Variants in KIFC3 observed in about 807,000 individuals in gnomAD.
KIFC3 encodes kinesin-like protein KIFC3.
A neutral mutation model predicts 101.8 loss-of-function variants in KIFC3; 60 were observed. The observed-to-expected ratio is 0.59, with a 90% CI of 0.48 to 0.73. The LOEUF (loss-of-function observed/expected upper bound fraction) is 0.73. KIFC3 is among the 30% of genes least tolerant of loss of function. KIFC3 has a pLI of 0.00. For synonymous variants in KIFC3, 476 were observed against 482.7 expected (o/e 0.99, Z 0.18); for missense variants, 966 against 1,137.1 (o/e 0.85, Z 2.16).
At chr16:57,836,142 G>GAAACAA (rs2055681289) in intron 1 of KIFC3, among the ~76,000 whole-genome samples, 1 of 152,102 alleles carries the variant, frequency 6.6e-6, no homozygotes, top group African/African-American at 2.4e-5. Flanking sequence ...TTTGAGTCAG[G>GAAACAA]GCCTCTGTCG....
In KIFC3 at chr16:57,860,047, TAAAATAAAATAAAATAAAATAAAATAAA is replaced by T. The variant is rs2056265705; in HGVS notation, c.108+2654_108+2681del. ...AAAAATAAAATAAAATAAAATAAAA[TAAAATAAAATAAAATAAAATAAAATAAA>T]ATAAAATAAAATAAAATAAAAACAA... On this transcript the variant is annotated intron_variant, in intron 1 of 2. Transcript: ENST00000563028. Among the ~76,000 whole-genome samples, 12 of 136,438 alleles carry T rather than the reference TAAAATAAAATAAAATAAAATAAAATAAA, an allele frequency of 8.8e-5. No homozygotes were observed. The South Asian group carries it at 2.8e-3, about 32-fold the overall frequency. The allele number at this position is 136,438 out of a possible 152,430, so 89.5% of individuals were successfully genotyped here. A position where few individuals can be genotyped will look rare whatever the true frequency, so the allele number is the denominator to read the frequency against.
chr16:57,816,004 G>A (rs952151842), intron 1 of KIFC3, among the ~76,000 whole-genome samples: 1 of 152,218 alleles, frequency 6.6e-6, no homozygotes, highest in African/African-American at 2.4e-5. Context: ...CTGGGGTGAG[G>A]GTCTTCAGGA....
intron 3 of KIFC3, among the ~76,000 whole-genome samples, chr16:57,789,518 G>C (rs1179425881): frequency 2.0e-5 from 3 of 152,232 alleles, no homozygotes; most frequent in Admixed American, 6.5e-5. Context: ...GAACTATATA[G>C]ACAGCGATCC....
intron 1 of KIFC3, chr16:57,813,944 ATTC>A (rs1555628271): frequency 1.3e-6 from 1 of 766,942 alleles, no homozygotes; most frequent in African/African-American, 1.9e-5. Context: ...ACTCCTGCTT[ATTC>A]TTCCTGTACA....
intron 19 of KIFC3, 31 bp downstream of exon 19, chr16:57,759,094 G>C (rs538586803): frequency 6.5e-7 from 1 of 1,549,844 alleles, no homozygotes; most frequent in Admixed American, 2.0e-5. Context: ...CAGGCAGGCG[G>C]GCAGCCCTGG....
At chr16:57,839,398 G>C (rs1452670078) in intron 1 of KIFC3, among the ~76,000 whole-genome samples, 1 of 152,026 alleles carries the variant, frequency 6.6e-6, no homozygotes, top group African/African-American at 2.4e-5. Flanking sequence ...AAAAATTCCA[G>C]GCATGGTGGT....
rs371236075 is a variant in KIFC3, at chr16:57,786,522, G to C, written c.315+8477C>G. The stretch of plus-strand genomic sequence containing the variant: ...GAGTTTGGGGGAGAGAGAGAAGAAT[G>C]GGGGGCTAGGGAGGAGGGATGGGGG... On this transcript the variant is annotated intron_variant, in intron 3 of 19. Transcript: ENST00000445690. Among the ~76,000 whole-genome samples the C allele has an allele frequency of 2.0e-5, 3 of 152,078 alleles. No individual in the cohort carries two copies. The East Asian group carries it at 5.8e-4, about 29-fold the overall frequency.
rs116896244 is a variant in KIFC3 at position 57,841,065 on chromosome 16, T to A, written c.108+21664A>T. Among the ~76,000 whole-genome samples the A allele has an allele frequency of 1.2e-3, 176 of 152,352 alleles. 1 individual carries two copies. In the East Asian group the frequency reaches 0.033, roughly 29 times the overall value. On this transcript the variant is annotated intron_variant, in intron 1 of 2. Coordinates refer to the KIFC3 transcript ENST00000563028. ...ATATTTGCACACCTACTCTGGACAG[T>A]GCTGTTCTAGCCCTTGCTGGACCTT...
At chr16:57,776,224 C>G (rs2052056125) in intron 3 of KIFC3, 1 of 985,532 alleles carries the variant, frequency 1.0e-6, no homozygotes, top group Non-Finnish European at 1.2e-6. Flanking sequence ...GCCAGAGGGT[C>G]TGGGATCCAG....
intron 17 of KIFC3, 34 bp downstream of exon 17, chr16:57,760,248 G>A (rs782130561): frequency 3.4e-5 from 54 of 1,592,416 alleles, no homozygotes; most frequent in South Asian, 1.2e-4. Context: ...CTGACCCAGG[G>A]CCACCTGAGC....
chr16:57,790,988 C>A (rs570081340), intron 3 of KIFC3: 1 of 919,046 alleles, frequency 1.1e-6, no homozygotes, highest in Non-Finnish European at 1.3e-6. Context: ...AATCCCAGCA[C>A]TTTGAGAGGC....
intron 2 of KIFC3, among the ~76,000 whole-genome samples, 193 bp from the exon 3 acceptor site, chr16:57,795,334 G>T (rs1191269694): frequency 6.6e-6 from 1 of 152,204 alleles, no homozygotes; most frequent in Non-Finnish European, 1.5e-5. Context: ...CGGGGCAGTG[G>T]CTACGCTCCT....
intron 3 of KIFC3, 104 bp downstream of exon 3, chr16:57,794,895 C>T (rs950841837): frequency 1.5e-5 from 17 of 1,129,704 alleles, no homozygotes; most frequent in Middle Eastern, 3.0e-4. Context: ...GGTGGGTCCC[C>T]GGCTCTCCCC....
chr16:57,811,632 G>A (rs183414720), intron 1 of KIFC3, among the ~76,000 whole-genome samples: 4 of 152,134 alleles, frequency 2.6e-5, no homozygotes, highest in African/African-American at 9.6e-5. Context: ...CCTGAGGCGT[G>A]GGGCCAAGCG....
rs782505138 is a variant in KIFC3, at chr16:57,762,135, C to T, written c.1748+5G>A. Reference sequence around the variant, plus strand: ...GGCCTGCTCCGCACACCCTGGGGCTCCCACCTGAGGACCTCATTGTAGATC... The same window carrying T: ...GGCCTGCTCCGCACACCCTGGGGCTTCCACCTGAGGACCTCATTGTAGATC... On this transcript the variant is annotated splice_donor_5th_base_variant and intron_variant, in intron 13 of 19. Transcript: ENST00000445690. 4.4e-6 allele frequency: 7 copies of T among 1,592,014 alleles called. No individual in the cohort carries two copies. In the East Asian group the frequency reaches 1.1e-4, roughly 26 times the overall value.
rs74758171 is a variant in KIFC3 at position 57,786,249 on chromosome 16, G to C, written c.315+8750C>G. 1.2e-3 allele frequency among the ~76,000 whole-genome samples: 178 copies of C among 152,250 alleles called. 1 individual carries two copies. The highest frequency in any genetic ancestry group is 4.0e-3 in the African/African-American group (167 of 41,552). On this transcript the variant is annotated intron_variant, in intron 3 of 19. Coordinates refer to ENST00000445690, the MANE Select transcript of KIFC3 (RefSeq NM_001130100.2). ...ACTCAGCCAGCCGGCACCTAGCAAG[G>C]ATGAAGCGCAGGAACCTCCCAGGCA...
In KIFC3 at chr16:57,758,306, G is replaced by A. The variant is rs1372041024; in HGVS notation, c.*628C>T. 8.2e-6 allele frequency: 2 copies of A among 244,844 alleles called. No individual in the cohort carries two copies. Among genetic ancestry groups the A allele is most frequent in the South Asian group, 8.7e-5 (2 of 23,066 alleles). 15.2% of individuals were successfully genotyped at this position (244,844 alleles called of 1,614,324 possible). ...TAGGATTTCAGAGGGAAGAAAATTCGAGAGACCAGCGAGCCAGGCAGGTGA... is the reference window on the plus strand; with the variant it reads ...TAGGATTTCAGAGGGAAGAAAATTCAAGAGACCAGCGAGCCAGGCAGGTGA... On this transcript the variant is annotated 3_prime_UTR_variant, in exon 20 of 20. Coordinates refer to ENST00000445690, the MANE Select transcript of KIFC3 (RefSeq NM_001130100.2).
chr16:57,798,454 G>A (rs540526517), intron 1 of KIFC3, 172 bp from the exon 2 acceptor site: 1 of 633,394 alleles, frequency 1.6e-6, no homozygotes, highest in Admixed American at 2.9e-5. Flanking sequence ...GGATGAAATG[G>A]GGCCTGCTGC....
rs372376455 is a variant in KIFC3 at position 57,854,255 on chromosome 16, T to C, written c.108+8474A>G. Among the ~76,000 whole-genome samples, 58 of 152,282 alleles carry C rather than the reference T, an allele frequency of 3.8e-4. No individual in the cohort carries two copies. In the East Asian group the frequency reaches 5.0e-3, roughly 13 times the overall value. On this transcript the variant is annotated intron_variant, in intron 1 of 2. Transcript: ENST00000563028. ...CCATGCCCAGCTGGAAATTGTTAAA[T>C]TGAATTTTTGAAAAAACTCAACTAC...
Sources: allele counts gnomAD v4.1 joint callset (sites outside exome capture counted in the v4.1 genomes callset), GRCh38; gene constraint gnomAD v4.1.1; transcripts MANE v1.5; gene names NCBI Gene and HGNC (gene_info 2026-07-23, HGNC 2026-07-21).